DEPDC4: variants seen among roughly 807,000 people sequenced by gnomAD.
DEPDC4 encodes DEP domain containing 4, also known as DEP domain-containing protein 4.
Under a neutral mutation model 52.0 loss-of-function variants are expected in DEPDC4, and 52 were observed. The ratio of observed to expected loss-of-function variants is 1.00; its 90% CI spans 0.80 to 1.26. The LOEUF is 1.26. Among genes scored for constraint, DEPDC4 ranks in the 50% most tolerant of loss-of-function variants. The pLI is 0.00. For missense variants in DEPDC4, 530 were observed against 546.9 expected (o/e 0.97, Z 0.31); for synonymous variants, 201 against 196.8 (o/e 1.02, Z -0.18).
chr12:100,271,754 T>C (rs1390076870), upstream of DEPDC4, among the ~76,000 whole-genome samples: 3 of 151,972 alleles, frequency 2.0e-5, no homozygotes, highest in African/African-American at 7.3e-5. Context: ...TCATTCTGCT[T>C]TATAATATTT....
In DEPDC4 at chr12:100,262,269, T is replaced by C. The variant is rs2096256139; in HGVS notation, c.695A>G (p.Lys232Arg). 1.2e-6 allele frequency: 2 copies of C among 1,600,784 alleles called. No individual in the cohort carries two copies. Among genetic ancestry groups the C allele is most frequent in the African/African-American group, 2.7e-5 (2 of 73,838 alleles). Residue 232 changes from lysine to arginine, a missense_variant, in exon 3 of 10, where the codon AAA becomes AGA. Physicochemically the swap from Lys to Arg is conservative, Grantham distance 26. Transcript: ENST00000550587. ...AAATAATGAAAACAAATTACCTTCTTTTGAAAGCCGGAGAAAAGGTTTCTG... is the reference window on the plus strand; with the variant it reads ...AAATAATGAAAACAAATTACCTTCTCTTGAAAGCCGGAGAAAAGGTTTCTG... The part of the protein sequence containing the change: ...TVQKPFLRLS[K>R]EDVWKEQTLL...
At chr12:100,252,973 G>A (rs1405281803) in intron 5 of DEPDC4, among the ~76,000 whole-genome samples, 2 of 152,224 alleles carry the variant, frequency 1.3e-5, no homozygotes, top group Non-Finnish European at 2.9e-5. Flanking sequence ...CTGGTGCGCA[G>A]TGGCGCGATC....
chr12:100,259,768 C>T (rs924292182), intron 3 of DEPDC4, among the ~76,000 whole-genome samples: 15 of 151,882 alleles, frequency 9.9e-5, no homozygotes, highest in African/African-American at 3.4e-4. Context: ...TTTAGAGATA[C>T]GAGTTGTAAA....
At chr12:100,255,673 A>C (rs1031083265) in intron 4 of DEPDC4, among the ~76,000 whole-genome samples, 2 of 152,038 alleles carry the variant, frequency 1.3e-5, no homozygotes, top group African/African-American at 4.8e-5. Context: ...TCAGACTATA[A>C]TTTTTTCTCT....
intron 7 of DEPDC4, among the ~76,000 whole-genome samples, chr12:100,249,957 G>A (rs1253558700): frequency 1.3e-5 from 2 of 152,192 alleles, no homozygotes; most frequent in Non-Finnish European, 2.9e-5. Context: ...AAACAAAGCA[G>A]AGAAAGAGGC....
chr12:100,238,623 C>T (rs1257257246), downstream of DEPDC4, among the ~76,000 whole-genome samples: 1 of 149,678 alleles, frequency 6.7e-6, no homozygotes, highest in Non-Finnish European at 1.5e-5. Flanking sequence ...GCAGCTGGGA[C>T]TATAGGCACC....
At chr12:100,244,131 A>ATG (rs1207774195) in intron 8 of DEPDC4, among the ~76,000 whole-genome samples, 1 of 133,694 alleles carries the variant, frequency 7.5e-6, no homozygotes, top group Non-Finnish European at 1.6e-5. Flanking sequence ...ATATATATAT[A>ATG]TATACACAAA....
chr12:100,252,481 C>G lies in DEPDC4; in HGVS notation c.1161G>C (p.Leu387=), dbSNP rs778879472. 1 of 1,609,276 alleles carries G rather than the reference C, an allele frequency of 6.2e-7. No homozygotes were observed. Among genetic ancestry groups the G allele is most frequent in the Non-Finnish European group, 8.5e-7 (1 of 1,179,820 alleles). Residue 387 remains leucine (L), a synonymous_variant, in exon 6 of 10, where the codon CTG becomes CTC. Transcript: ENST00000550587. ...LEATQLYLRL[L]LLNIREELRR... ...GTAATTCTTCTCTAATGTTCAGCAA[C>G]AGCAATCTTAGATATAGTTGTGTTG...
intron 9 of DEPDC4, among the ~76,000 whole-genome samples, chr12:100,234,099 C>T (rs2096138016): frequency 6.9e-6 from 1 of 144,168 alleles, no homozygotes; most frequent in Non-Finnish European, 1.5e-5. Context: ...AGAGTTAGAC[C>T]CTGTCTCCAG....
At chr12:100,261,723 G>A (rs1397693488) in intron 3 of DEPDC4, 1 of 456,700 alleles carries the variant, frequency 2.2e-6, no homozygotes, top group Admixed American at 2.3e-5. Flanking sequence ...GATGTATATT[G>A]CCTCACCTGT....
At chr12:100,247,916 T>G (rs551223462) in intron 8 of DEPDC4, among the ~76,000 whole-genome samples, 1 of 152,270 alleles carries the variant, frequency 6.6e-6, no homozygotes, top group South Asian at 2.1e-4. Flanking sequence ...CCACAACCCT[T>G]GAAACATCTT....
chr12:100,265,750 G>C (rs567220967), intron 1 of DEPDC4, among the ~76,000 whole-genome samples: 1 of 152,284 alleles, frequency 6.6e-6, no homozygotes, highest in African/African-American at 2.4e-5. Flanking sequence ...TTTTAAAAAT[G>C]AGCTGAGCAG....
chr12:100,234,884 A>G (rs2096139033), intron 9 of DEPDC4, among the ~76,000 whole-genome samples: 1 of 152,164 alleles, frequency 6.6e-6, no homozygotes, highest in Non-Finnish European at 1.5e-5. Context: ...ACTGTGCTTT[A>G]TGAAGCTGTC....
intron 3 of DEPDC4, among the ~76,000 whole-genome samples, chr12:100,260,240 C>A (rs540784797): frequency 1.3e-5 from 2 of 151,866 alleles, no homozygotes; most frequent in East Asian, 3.9e-4. Context: ...CATGCCTCAG[C>A]CTCCAGAGTA....
At chr12:100,247,201 GTTTTTTTTTTTTTTT>G (rs869121983) in intron 8 of DEPDC4, among the ~76,000 whole-genome samples, 1 of 71,646 alleles carries the variant, frequency 1.4e-5, no homozygotes, top group Non-Finnish European at 2.5e-5. Flanking sequence ...TCCCCTTAGT[GTTTTTTTTTTTTTTT>G]TTTTTTTTTT....
downstream of DEPDC4, chr12:100,238,055 C>T (rs968412911): frequency 3.8e-4 from 369 of 983,970 alleles, 1 homozygote; most frequent in Non-Finnish European, 3.6e-4. Flanking sequence ...CCAATATTTT[C>T]CCGGTATCTC....
chr12:100,252,385 A>C lies in DEPDC4; in HGVS notation c.1248+9T>G. 6.5e-7 allele frequency: 1 copy of C among 1,539,952 alleles called. No individual in the cohort carries two copies. The highest frequency in any genetic ancestry group is 8.7e-7 in the Non-Finnish European group (1 of 1,150,672). On this transcript the variant is annotated intron_variant, in intron 6 of 9. Transcript: ENST00000550587. The stretch of plus-strand genomic sequence containing the variant: ...AAAAAATGGCAAAACTTATTGCAAA[A>C]TTTTTCACCTGTTTTTGCAACTTGT...
chr12:100,254,019 C>T (rs1159294198), intron 4 of DEPDC4, among the ~76,000 whole-genome samples: 1 of 152,070 alleles, frequency 6.6e-6, no homozygotes, highest in Non-Finnish European at 1.5e-5. Flanking sequence ...AGTTCCCCTC[C>T]CTTTTCCTGC....
upstream of DEPDC4, among the ~76,000 whole-genome samples, chr12:100,268,000 C>T (rs1217654096): frequency 6.6e-6 from 1 of 152,098 alleles, no homozygotes; most frequent in African/African-American, 2.4e-5. Flanking sequence ...CGGGAGAATA[C>T]GGATGGAGGA....
Sources: gnomAD v4.1 joint callset for allele counts (sites outside exome capture counted in the v4.1 genomes callset) on GRCh38, gnomAD v4.1.1 for gene constraint, MANE v1.5 for transcripts, NCBI Gene and HGNC (gene_info 2026-07-23, HGNC 2026-07-21) for gene names.